The following ADAM18 variants were observed in gnomAD, a reference collection of about 807,000 sequenced individuals.
ADAM18 encodes disintegrin and metalloproteinase domain-containing protein 18.
A neutral mutation model predicts 94.4 loss-of-function variants in ADAM18; 117 were observed. That is an observed-to-expected ratio of 1.24 (90% CI 1.07 to 1.45). The LOEUF (loss-of-function observed/expected upper bound fraction) is 1.45, where lower values mean the gene tolerates loss of function less well. Ranked by LOEUF, ADAM18 falls within the 40% of genes most tolerant of loss-of-function variation. The probability of loss-of-function intolerance (pLI) is 0.00; values close to 1 mark genes in which losing one functional copy is unlikely to be tolerated. For missense variants in ADAM18, 936 were observed against 880.0 expected (o/e 1.06, Z -0.81); for synonymous variants, 327 against 291.6 (o/e 1.12, Z -1.24).
intron 19 of ADAM18, among the ~76,000 whole-genome samples, chr8:39,729,474 G>A (rs918824947): frequency 4.6e-5 from 7 of 151,742 alleles, no homozygotes; most frequent in Non-Finnish European, 7.4e-5. Flanking sequence ...ATATTAATGG[G>A]GAAAAAAATA....
intron 17 of ADAM18, among the ~76,000 whole-genome samples, chr8:39,694,102 A>G (rs1821856272): frequency 6.6e-6 from 1 of 151,368 alleles, no homozygotes; most frequent in African/African-American, 2.4e-5. Context: ...GAAGTTAAGA[A>G]CATAACAGAA....
intron 18 of ADAM18, among the ~76,000 whole-genome samples, chr8:39,707,411 T>C (rs1414293449): frequency 1.3e-5 from 2 of 152,234 alleles, no homozygotes; most frequent in Non-Finnish European, 2.9e-5. Context: ...TGTCTTCTGG[T>C]GCAACACGTT....
Position 39,606,334 on chromosome 8 carries a change from C to A in ADAM18, c.160C>A (p.Gln54Lys). The A allele has an allele frequency of 6.4e-7, 1 of 1,560,702 alleles. No homozygotes were observed. Among genetic ancestry groups the A allele is most frequent in the Non-Finnish European group, 8.7e-7 (1 of 1,148,382 alleles). Residue 54 changes from glutamine (Q) to lysine (K), a missense_variant, in exon 3 of 20, where the codon CAA becomes AAA. Transcript: ENST00000265707. ...KMIYIITIDG[Q>K]PYTLHLGKQS... ...GATTTACATCATTACAATTGATGGA[C>A]AACCTTACACTCTACATCTCGGAAA... is the stretch of plus-strand genomic sequence containing the variant.
intron 6 of ADAM18, among the ~76,000 whole-genome samples, chr8:39,620,413 A>G (rs1292862896): frequency 7.4e-5 from 11 of 148,970 alleles, no homozygotes; most frequent in Non-Finnish European, 1.6e-4. Flanking sequence ...AAAAAATGTA[A>G]AAAAAAACCA....
At chr8:39,609,768 G>A (rs572115669) in intron 5 of ADAM18, among the ~76,000 whole-genome samples, 8 of 152,246 alleles carry the variant, frequency 5.3e-5, no homozygotes, top group African/African-American at 1.9e-4. Flanking sequence ...GGTTATCGTG[G>A]AAAATGGAAT....
At chr8:39,678,889 A>G (rs565283478) in intron 15 of ADAM18, among the ~76,000 whole-genome samples, 1 of 152,320 alleles carries the variant, frequency 6.6e-6, no homozygotes, top group East Asian at 1.9e-4. Flanking sequence ...AAAAAGAAAA[A>G]ATAGTTCTAA....
intron 18 of ADAM18, among the ~76,000 whole-genome samples, chr8:39,718,189 A>G (rs372559419): frequency 6.6e-6 from 1 of 151,580 alleles, no homozygotes. Context: ...TAGAACTGTC[A>G]TATGATCCAG....
chr8:39,645,865 T>C (rs749227846), intron 11 of ADAM18, among the ~76,000 whole-genome samples: 7 of 152,214 alleles, frequency 4.6e-5, no homozygotes, highest in Non-Finnish European at 5.9e-5. Context: ...TATCTATTTA[T>C]ACACTAATTT....
At chr8:39,674,215 CA>C (rs1563301369) in intron 14 of ADAM18, among the ~76,000 whole-genome samples, 1 of 152,080 alleles carries the variant, frequency 6.6e-6, no homozygotes, top group African/African-American at 2.4e-5. Context: ...CTAATATTGA[CA>C]GGGGGGTGTT....
At chr8:39,721,228 AG>A (rs1221062383) in intron 18 of ADAM18, among the ~76,000 whole-genome samples, 1 of 151,550 alleles carries the variant, frequency 6.6e-6, no homozygotes, top group Non-Finnish European at 1.5e-5. Flanking sequence ...CACATGCAGA[AG>A]AAAAAATCTA....
chr8:39,612,801 T>C (rs1360183896), intron 6 of ADAM18, among the ~76,000 whole-genome samples: 1 of 152,110 alleles, frequency 6.6e-6, no homozygotes, highest in Non-Finnish European at 1.5e-5. Flanking sequence ...CTGCCATAGC[T>C]CCTTCATCAG....
chr8:39,669,988 C>G (rs1305574598), intron 14 of ADAM18, among the ~76,000 whole-genome samples: 1 of 152,144 alleles, frequency 6.6e-6, no homozygotes, highest in Non-Finnish European at 1.5e-5. Flanking sequence ...TTTTTCCTGA[C>G]TTTTTAATGA....
intron 17 of ADAM18, among the ~76,000 whole-genome samples, chr8:39,695,331 G>T (rs1288881899): frequency 6.6e-6 from 1 of 151,506 alleles, no homozygotes; most frequent in African/African-American, 2.4e-5. Context: ...TTTCAAAGTA[G>T]ATGTATCATT....
chr8:39,646,320 CAATTAAACATAATGAA>C (rs1230902824), intron 11 of ADAM18, among the ~76,000 whole-genome samples: 6 of 151,642 alleles, frequency 4.0e-5, no homozygotes, highest in South Asian at 2.1e-4. Flanking sequence ...TTTCTAGAAG[CAATTAAACATAATGAA>C]AATTAAACAT....
chr8:39,585,198 G>T (rs986940918), intron 1 of ADAM18, 78 bp from the exon 2 acceptor site: 3 of 1,163,154 alleles, frequency 2.6e-6, no homozygotes, highest in African/African-American at 3.1e-5. Context: ...CATGCAGTCC[G>T]GGATAAGAAC....
At chr8:39,671,196 C>G (rs1469739332) in intron 14 of ADAM18, among the ~76,000 whole-genome samples, 1 of 152,200 alleles carries the variant, frequency 6.6e-6, no homozygotes, top group East Asian at 1.9e-4. Flanking sequence ...AAATCCAAAT[C>G]ACTCTCTGCC....
intron 18 of ADAM18, among the ~76,000 whole-genome samples, chr8:39,718,413 G>A (rs968613572): frequency 1.3e-5 from 2 of 151,620 alleles, no homozygotes; most frequent in African/African-American, 4.8e-5. Context: ...GCAGTGACAT[G>A]AATAAATCTT....
At chr8:39,643,376 T>C (rs1054930470) in intron 10 of ADAM18, among the ~76,000 whole-genome samples, 1 of 152,138 alleles carries the variant, frequency 6.6e-6, no homozygotes, top group Non-Finnish European at 1.5e-5. Context: ...CTGTTTACTC[T>C]TTTGCACTGT....
At chr8:39,717,381 C>G (rs1046213876) in intron 18 of ADAM18, among the ~76,000 whole-genome samples, 1 of 151,840 alleles carries the variant, frequency 6.6e-6, no homozygotes, top group Non-Finnish European at 1.5e-5. Context: ...TACAGCAACA[C>G]TGTATTCTAT....
Sources: allele counts gnomAD v4.1 joint callset (sites outside exome capture counted in the v4.1 genomes callset), GRCh38; gene constraint gnomAD v4.1.1; transcripts MANE v1.5; gene names NCBI Gene and HGNC (gene_info 2026-07-23, HGNC 2026-07-21).